ANO3: variants seen among roughly 807,000 people sequenced by gnomAD.
ANO3 encodes anoctamin 3.
A neutral mutation model predicts 144.8 loss-of-function variants in ANO3; 99 were observed. The observed-to-expected ratio is 0.68, with a 90% CI of 0.58 to 0.81. ANO3 has a LOEUF of 0.81. ANO3 is among the 30% of genes least tolerant of loss of function. The pLI, the probability that ANO3 is intolerant of heterozygous loss-of-function variation, is 0.00. For synonymous variants in ANO3, 414 were observed against 392.6 expected (o/e 1.05, Z -0.64); for missense variants, 905 against 1,202.2 (o/e 0.75, Z 3.66).
intron 3 of ANO3, among the ~76,000 whole-genome samples, chr11:26,458,916 G>A (rs571254216): frequency 1.3e-5 from 2 of 152,146 alleles, no homozygotes; most frequent in South Asian, 4.2e-4. Flanking sequence ...TTTGATGTCA[G>A]GTGCTGATAA....
chr11:26,571,565 G>A (rs551160435), intron 14 of ANO3, among the ~76,000 whole-genome samples: 1 of 152,062 alleles, frequency 6.6e-6, no homozygotes, highest in South Asian at 2.1e-4. Context: ...TATTTTATTA[G>A]AAGATTTTTT....
chr11:26,630,125 G>A (rs1321163429), intron 18 of ANO3, among the ~76,000 whole-genome samples: 1 of 152,074 alleles, frequency 6.6e-6, no homozygotes, highest in Middle Eastern at 3.2e-3. Context: ...TGAAATAGCA[G>A]CCCAATAAAC....
Position 26,643,233 on chromosome 11 carries a change from C to T in ANO3, c.2327C>T (p.Pro776Leu). The T allele has an allele frequency of 6.2e-7, 1 of 1,614,172 alleles. No individual in the cohort carries two copies. The highest frequency in any genetic ancestry group is 8.5e-7 in the Non-Finnish European group (1 of 1,180,012). ...TTTGTTGCGGCTTTTCCTCTAGCCCCTCTTTTGGCTTTGTTAAACAATATC... is the reference window on the plus strand; with the variant it reads ...TTTGTTGCGGCTTTTCCTCTAGCCCTTCTTTTGGCTTTGTTAAACAATATC... ...TIFVAAFPLA[P>L]LLALLNNIIE... Residue 776 changes from proline to leucine, a missense_variant, in exon 23 of 27, where the codon CCT (proline) becomes CTT (leucine). Around this residue, in one of 4 missense-constraint regions of ANO3, gnomAD observed 597 missense variants for 865.1 expected, o/e 0.69. Transcript: ENST00000256737.
At chr11:26,592,647 G>C (rs562978240) in intron 14 of ANO3, among the ~76,000 whole-genome samples, 1,576 of 149,772 alleles carry the variant, frequency 0.011, 32 homozygotes, top group African/African-American at 0.037. Flanking sequence ...GGAGCTTGGT[G>C]ATAAGGCAGG....
intron 1 of ANO3, among the ~76,000 whole-genome samples, chr11:26,404,949 G>T (rs865922460): frequency 6.8e-6 from 1 of 146,268 alleles, no homozygotes; most frequent in Non-Finnish European, 1.5e-5. Flanking sequence ...GTGTGTGTGT[G>T]TGTGTGTGTG....
intron 9 of ANO3, among the ~76,000 whole-genome samples, chr11:26,535,744 G>A (rs1056938661): frequency 6.6e-6 from 1 of 151,274 alleles, no homozygotes; most frequent in African/African-American, 2.4e-5. Flanking sequence ...CACCACGCCC[G>A]GCTAATTTTT....
At chr11:26,222,096 ACT>A (rs1432689560) in intron 1 of ANO3, among the ~76,000 whole-genome samples, 2 of 152,058 alleles carry the variant, frequency 1.3e-5, no homozygotes, top group Non-Finnish European at 2.9e-5. Context: ...CTCATCTGAG[ACT>A]CATTATTTCC....
chr11:26,556,466 A>G (rs951603180), intron 13 of ANO3, among the ~76,000 whole-genome samples: 3 of 151,902 alleles, frequency 2.0e-5, no homozygotes, highest in African/African-American at 7.3e-5. Context: ...ACTTCATGAA[A>G]AAAAAAAAGG....
At chr11:26,288,868 T>C (rs559037901) in intron 1 of ANO3, among the ~76,000 whole-genome samples, 1 of 152,282 alleles carries the variant, frequency 6.6e-6, no homozygotes, top group East Asian at 1.9e-4. Context: ...TCTGGGAAGC[T>C]ACAATAGGTG....
intron 1 of ANO3, among the ~76,000 whole-genome samples, chr11:26,436,926 C>T (rs1482118117): frequency 1.3e-5 from 2 of 152,090 alleles, no homozygotes; most frequent in African/African-American, 4.8e-5. Context: ...TGTAGAACTG[C>T]TCCAGTATTC....
chr11:26,628,046 A>G (rs1852650793), intron 18 of ANO3, among the ~76,000 whole-genome samples: 1 of 152,188 alleles, frequency 6.6e-6, no homozygotes, highest in African/African-American at 2.4e-5. Flanking sequence ...TAAAGCTTAA[A>G]TTCTATTACA....
chr11:26,499,572 G>T (rs1861106991), intron 4 of ANO3, among the ~76,000 whole-genome samples: 1 of 150,872 alleles, frequency 6.6e-6, no homozygotes, highest in Non-Finnish European at 1.5e-5. Flanking sequence ...AAAATTTTAT[G>T]GATTTGTAAT....
intron 1 of ANO3, among the ~76,000 whole-genome samples, chr11:26,359,955 T>A (rs1855880462): frequency 6.8e-6 from 1 of 147,798 alleles, no homozygotes; most frequent in Non-Finnish European, 1.5e-5. Context: ...ATATAAATTA[T>A]GTAAATCAAC....
intron 3 of ANO3, among the ~76,000 whole-genome samples, chr11:26,450,208 G>A (rs1427945525): frequency 6.6e-6 from 1 of 152,138 alleles, no homozygotes; most frequent in Non-Finnish European, 1.5e-5. Flanking sequence ...ATTGCTTGGT[G>A]CAAGCTATCT....
At chr11:26,448,910 C>G (rs1264727098) in intron 3 of ANO3, among the ~76,000 whole-genome samples, 2 of 151,042 alleles carry the variant, frequency 1.3e-5, no homozygotes, top group South Asian at 4.1e-4. Flanking sequence ...AACTTCCGAA[C>G]AGATCTCCCT....
chr11:26,634,899 A>T (rs1565156459), intron 19 of ANO3, 114 bp from the exon 20 acceptor site: 1 of 778,138 alleles, frequency 1.3e-6, no homozygotes, highest in Non-Finnish European at 2.2e-6. Flanking sequence ...CTGGGGACAG[A>T]TTGCACCAGT....
intron 1 of ANO3, among the ~76,000 whole-genome samples, chr11:26,259,687 AAAT>A (rs1853142126): frequency 6.6e-6 from 1 of 152,104 alleles, no homozygotes; most frequent in African/African-American, 2.4e-5. Context: ...TTATAAAAGT[AAAT>A]AATATTTAAT....
chr11:26,194,439 G>GGTGTGT (rs1161631402), intron 1 of ANO3, among the ~76,000 whole-genome samples: 134 of 60,600 alleles, frequency 2.2e-3, no homozygotes, highest in Middle Eastern at 9.8e-3. Flanking sequence ...GGTACATAGT[G>GGTGTGT]GTGTGTGTGT....
At position 26,411,300 on chromosome 11, in the gene ANO3, G is replaced by A. The variant is rs73445730; in HGVS notation, c.47-30618G>A. 2.7e-3 allele frequency among the ~76,000 whole-genome samples: 404 copies of A among 152,110 alleles called. 3 individuals carry two copies. The highest frequency in any genetic ancestry group is 8.8e-3 in the African/African-American group (367 of 41,538). On this transcript the variant is annotated intron_variant, in intron 1 of 26. Transcript: ENST00000256737. ...GATGTAAATGTAAAGCTATAGTCAA[G>A]AGAAGGAGACATTTATTATAACAAA... is the stretch of plus-strand genomic sequence containing the variant.
Sources: gnomAD v4.1 joint callset for allele counts (sites outside exome capture counted in the v4.1 genomes callset) on GRCh38, gnomAD v4.1.1 for gene constraint, gnomAD v4.1.1 regional missense constraint, MANE v1.5 for transcripts, NCBI Gene and HGNC (gene_info 2026-07-23, HGNC 2026-07-21) for gene names.